The following RNF220 variants were observed in gnomAD, a reference collection of about 807,000 sequenced individuals.
RNF220 encodes the protein ring finger protein 220.
In RNF220, 7 loss-of-function variants were observed where a neutral mutation model predicts 67.1. The ratio of observed to expected loss-of-function variants is 0.10; its 90% confidence interval spans 0.06 to 0.20. The LOEUF is 0.20. Among genes scored for constraint, RNF220 ranks in the 10% least tolerant of loss-of-function variants. The pLI is 1.00. For synonymous variants in RNF220, 270 were observed against 283.2 expected (o/e 0.95, Z 0.47); for missense variants, 565 against 740.3 (o/e 0.76, Z 2.75).
At chr1:44,449,938 G>A (rs1024523759) in intron 2 of RNF220, among the ~76,000 whole-genome samples, 4 of 152,148 alleles carry the variant, frequency 2.6e-5, no homozygotes, top group Non-Finnish European at 5.9e-5. Flanking sequence ...TGAGCTGGGC[G>A]CAGTGGCTCA....
intron 2 of RNF220, among the ~76,000 whole-genome samples, chr1:44,442,637 C>T (rs1466054469): frequency 6.6e-6 from 1 of 151,648 alleles, no homozygotes; most frequent in Non-Finnish European, 1.5e-5. Context: ...AGCTCAGCCT[C>T]CTGAGTAGCT....
intron 7 of RNF220, 157 bp downstream of exon 7, chr1:44,635,745 G>T: frequency 6.8e-7 from 1 of 1,473,414 alleles, no homozygotes; most frequent in Non-Finnish European, 9.0e-7. Flanking sequence ...CTGAATCTGT[G>T]GGCTCTTGGG....
chr1:44,405,567 T>C, intron 1 of RNF220, 37 bp downstream of exon 1: 1 of 353,420 alleles, frequency 2.8e-6, no homozygotes, highest in South Asian at 4.7e-5. Context: ...CGTGTGTGCG[T>C]ACCCAAGAGG....
At position 44,446,560 on chromosome 1, in the gene RNF220, C is replaced by CT. The variant is rs1286586874; in HGVS notation, c.625+33855dup. Among the ~76,000 whole-genome samples the CT allele has an allele frequency of 8.9e-3, 1,216 of 137,246 alleles. 25 individuals carry two copies. Among genetic ancestry groups the CT allele is most frequent in the Admixed American group, 0.038 (524 of 13,646 alleles). 90.0% of individuals were successfully genotyped at this position (137,246 alleles called of 152,430 possible). A position where few individuals can be genotyped will look rare whatever the true frequency, so the allele number is the denominator to read the frequency against. Reference sequence around the variant, plus strand: ...GGACCGGGCCGTTCCTTGGAGTAACCTTTTTTTTTTTTTTTTTGAGATGGA... The same window carrying CT: ...GGACCGGGCCGTTCCTTGGAGTAACCTTTTTTTTTTTTTTTTTTGAGATGGA... On this transcript the variant is annotated intron_variant, in intron 2 of 14. Transcript: ENST00000361799.
intron 8 of RNF220, chr1:44,638,322 T>A (rs1644389743): frequency 6.6e-6 from 1 of 152,238 alleles, no homozygotes; most frequent in Non-Finnish European, 1.5e-5. Flanking sequence ...GGAATTAGAT[T>A]GCCTGCCAAG....
Position 44,585,573 on chromosome 1 carries a change from G to C in RNF220, c.626-28592G>C, listed in dbSNP as rs574320095. On this transcript the variant is annotated intron_variant, in intron 2 of 14. Transcript: ENST00000361799. ...TATCAAATCCAATAGATGCATTTCA[G>C]TCATTTGTTTGTCATCTCTTACTCA... Among the ~76,000 whole-genome samples the C allele has an allele frequency of 2.6e-5, 4 of 152,322 alleles. No individual in the cohort carries two copies. The South Asian group carries it at 8.3e-4, about 32-fold the overall frequency.
Position 44,622,838 on chromosome 1 carries a change from C to G in RNF220, c.804+51C>G. ...TCCTGCCCATACTAACCTAGGCCTA[C>G]CCAGAACTGGTTCCTCCTGAGAAAA... On this transcript the variant is annotated intron_variant, in intron 4 of 14. Transcript: ENST00000361799. The surrounding 1 kb of genome is among the most constrained non-coding windows in gnomAD (Gnocchi z 4.3). 6.6e-7 allele frequency: 1 copy of G among 1,518,236 alleles called. No individual in the cohort carries two copies. Among genetic ancestry groups the G allele is most frequent in the Non-Finnish European group, 9.1e-7 (1 of 1,094,824 alleles). 94.0% of individuals were successfully genotyped at this position (1,518,236 alleles called of 1,614,324 possible).
intron 2 of RNF220, among the ~76,000 whole-genome samples, chr1:44,425,377 T>C (rs1381557127): frequency 6.6e-6 from 1 of 151,462 alleles, no homozygotes; most frequent in Non-Finnish European, 1.5e-5. Flanking sequence ...CCTCACGTAG[T>C]GCCTAGCTTG....
intron 2 of RNF220, among the ~76,000 whole-genome samples, chr1:44,524,240 T>C (rs1660175793): frequency 6.6e-6 from 1 of 152,076 alleles, no homozygotes; most frequent in African/African-American, 2.4e-5. Context: ...CCCTCTCTCC[T>C]GCGAACTGCC....
At chr1:44,534,057 C>T (rs923386771) in intron 2 of RNF220, among the ~76,000 whole-genome samples, 2 of 152,184 alleles carry the variant, frequency 1.3e-5, no homozygotes, top group African/African-American at 2.4e-5. Context: ...CTTACTATAC[C>T]TTGGCCTCCC....
At chr1:44,585,481 C>A (rs1285633680) in intron 2 of RNF220, among the ~76,000 whole-genome samples, 1 of 152,258 alleles carries the variant, frequency 6.6e-6, no homozygotes. Flanking sequence ...TTAACCATGG[C>A]TGTTCTACCT....
intron 2 of RNF220, among the ~76,000 whole-genome samples, chr1:44,434,092 TGCTGTGTCAAATATGTTCCTTG>T (rs747986938): frequency 1.3e-5 from 2 of 152,220 alleles, no homozygotes; most frequent in Non-Finnish European, 2.9e-5. Flanking sequence ...AAAAATGACC[TGCTGTGTCAAATATGTTCCTTG>T]GAACATATTT....
At chr1:44,497,905 C>G (rs957611103) in intron 2 of RNF220, among the ~76,000 whole-genome samples, 1 of 152,174 alleles carries the variant, frequency 6.6e-6, no homozygotes, top group Non-Finnish European at 1.5e-5. Context: ...TCTGAACTCC[C>G]GAGGGATCTG....
chr1:44,644,642 G>C, intron 8 of RNF220, 56 bp from the exon 9 acceptor site: 1 of 1,421,756 alleles, frequency 7.0e-7, no homozygotes, highest in Admixed American at 1.7e-5. Context: ...GCAACAGGAG[G>C]GGCACCCTTG....
intron 2 of RNF220, among the ~76,000 whole-genome samples, chr1:44,607,198 C>T (rs149825895): frequency 2.1e-3 from 325 of 152,380 alleles, no homozygotes; most frequent in African/African-American, 7.4e-3. Flanking sequence ...CCTTCCTGCA[C>T]TTGCTCTTGC....
intron 2 of RNF220, among the ~76,000 whole-genome samples, chr1:44,427,737 C>G (rs1649940030): frequency 6.6e-6 from 1 of 152,150 alleles, no homozygotes; most frequent in Admixed American, 6.5e-5. Flanking sequence ...GTGGGATGAA[C>G]ACTAGTATCA....
intron 2 of RNF220, among the ~76,000 whole-genome samples, chr1:44,595,013 G>T (rs1375880705): frequency 6.6e-6 from 1 of 152,184 alleles, no homozygotes; most frequent in East Asian, 1.9e-4. Context: ...CCACTATGGA[G>T]CCGTTTAGTT....
At position 44,417,673 on chromosome 1, in the gene RNF220, C is replaced by G. The variant is rs1291373421; in HGVS notation, c.625+4951C>G. On this transcript the variant is annotated intron_variant, in intron 2 of 14. Transcript: ENST00000361799. This position sits in a 1 kb window ranked among gnomAD's most constrained non-coding sequence, Gnocchi z 4.0. The stretch of plus-strand genomic sequence containing the variant: ...CCATCAATTGTCATGCAGAAGTGAT[C>G]CGGGCTGCCGTTTTCTCGCGGCCGC... Among the ~76,000 whole-genome samples the G allele has an allele frequency of 6.6e-6, 1 of 152,198 alleles. No homozygotes were observed. Among genetic ancestry groups the G allele is most frequent in the Non-Finnish European group, 1.5e-5 (1 of 68,038 alleles).
chr1:44,488,369 T>C (rs1249085864), intron 2 of RNF220, among the ~76,000 whole-genome samples: 1 of 152,170 alleles, frequency 6.6e-6, no homozygotes, highest in East Asian at 1.9e-4. Flanking sequence ...CCTCAGGTGA[T>C]CCACCCGCCT....
Sources: allele counts gnomAD v4.1 joint callset (sites outside exome capture counted in the v4.1 genomes callset), GRCh38; gene constraint gnomAD v4.1.1; non-coding constraint Gnocchi (gnomAD v3.1); transcripts MANE v1.5; gene names NCBI Gene and HGNC (gene_info 2026-07-23, HGNC 2026-07-21).